The following SERPINA11 variants were observed in gnomAD, a reference collection of about 807,000 sequenced individuals.
The protein encoded by SERPINA11 is serpin A11.
SERPINA11 carries 28 observed loss-of-function variants against 29.4 expected under a neutral mutation model. The ratio of observed to expected loss-of-function variants is 0.95; its 90% CI spans 0.70 to 1.30. The LOEUF is 1.30. Among genes scored for constraint, SERPINA11 ranks in the 50% most tolerant of loss-of-function variants. The probability of loss-of-function intolerance (pLI) is 0.00; values close to 1 mark genes in which losing one functional copy is unlikely to be tolerated. For synonymous variants in SERPINA11, 253 were observed against 206.6 expected, an observed-to-expected ratio of 1.22 and a Z score of -1.92; for missense variants, 530 against 507.3, an observed-to-expected ratio of 1.04 and a Z score of -0.43.
At chr14:94,449,992 G>A (rs1192124474) in intron 1 of SERPINA11, among the ~76,000 whole-genome samples, 2 of 152,164 alleles carry the variant, frequency 1.3e-5, no homozygotes, top group South Asian at 2.1e-4. Context: ...CTGGAGTGGC[G>A]ATGTGAGGAT....
intron 1 of SERPINA11, among the ~76,000 whole-genome samples, chr14:94,450,424 G>A (rs1898566359): frequency 6.6e-6 from 1 of 152,178 alleles, no homozygotes; most frequent in Admixed American, 6.5e-5. Flanking sequence ...ATGTGAAGAT[G>A]AAGGCAGAGA....
In SERPINA11 at chr14:94,448,470, C is replaced by A. The variant is rs1190688004; in HGVS notation, c.305G>T (p.Gly102Val). The change falls in exon 2 of 5, where the codon GGC becomes GTC. Residue 102 changes from glycine (G) to valine (V), a missense_variant. Transcript: ENST00000334708. ...GGTTTCTGTGAGGTTGAATCCCAGG[C>A]CCTCCAGGATCAGAGCTGAGGTGTT... Reference protein sequence around the residue: ...QANTSALILEGLGFNLTETPE... With the variant: ...QANTSALILEVLGFNLTETPE... The A allele has an allele frequency of 1.2e-6, 2 of 1,614,130 alleles. No homozygotes were observed. The highest frequency in any genetic ancestry group is 1.7e-5 in the Admixed American group (1 of 60,022).
chr14:94,444,194 C>T lies in SERPINA11; in HGVS notation c.918-969G>A, dbSNP rs139210784. On this transcript the variant is annotated intron_variant, in intron 3 of 4. Coordinates refer to ENST00000334708, the MANE Select transcript of SERPINA11 (RefSeq NM_001080451.2). Reference sequence around the variant, plus strand: ...GGGGGTGGAATAGAGTCTAGTGGGGCAGGGGTCTGACAGAGAGCCCAAAAC... The same window carrying T: ...GGGGGTGGAATAGAGTCTAGTGGGGTAGGGGTCTGACAGAGAGCCCAAAAC... 2.0e-5 allele frequency among the ~76,000 whole-genome samples: 3 copies of T among 152,218 alleles called. No homozygotes were observed. The East Asian group carries it at 5.8e-4, about 30-fold the overall frequency.
Position 94,446,345 on chromosome 14 carries a change from T to C in SERPINA11, c.903A>G (p.Gln301=), listed in dbSNP as rs1162280070. The C allele has an allele frequency of 1.9e-6, 3 of 1,613,162 alleles. No homozygotes were observed. Among genetic ancestry groups the C allele is most frequent in the Non-Finnish European group, 2.5e-6 (3 of 1,179,916 alleles). ...LQPQTLRKWG[Q]LLLPSLLDLH... ...GTGACACTTACCTGGGCAGGAGCAA[T>C]TGGCCCCATTTTCTCAGGGTCTGTG... Residue 301 remains glutamine, a synonymous_variant, in exon 3 of 5, where the codon CAA becomes CAG. Coordinates refer to ENST00000334708, the MANE Select transcript of SERPINA11 (RefSeq NM_001080451.2).
chr14:94,451,156 C>T (rs549362734), intron 1 of SERPINA11, among the ~76,000 whole-genome samples: 1 of 152,336 alleles, frequency 6.6e-6, no homozygotes, highest in South Asian at 2.1e-4. Context: ...ATTGCAAATG[C>T]TGCGACAGTG....
At position 94,446,471 on chromosome 14, in the gene SERPINA11, C is replaced by G; in HGVS notation, c.777G>C (p.Leu259Phe). The change falls in exon 3 of 5, where the codon TTG becomes TTC. Residue 259 changes from leucine (L) to phenylalanine (F), a missense_variant. Physicochemically the swap from Leu to Phe is conservative, Grantham distance 22. Transcript: ENST00000334708. ...ATTCTATCTGGAGGACGGTGCAAGC[C>G]AAATCCTGGTCATAGAGGAATCTGT... ...EMHRFLYDQDLACTVLQIEYR... is the reference protein window; with the variant it reads ...EMHRFLYDQDFACTVLQIEYR... 6.2e-7 allele frequency: 1 copy of G among 1,614,178 alleles called. No homozygotes were observed.
At position 94,449,484 on chromosome 14, in the gene SERPINA11, TCTG is replaced by T. The variant is rs1566784782; in HGVS notation, c.-3-710_-3-708del. ...TTCTTTCTTTCTTTCTTTCTTTCTG[TCTG>T]TCTGTCTTTCTTTCTCTTTCTTTTT... On this transcript the variant is annotated intron_variant, in intron 1 of 4. Transcript: ENST00000334708. Among the ~76,000 whole-genome samples the T allele has an allele frequency of 9.4e-4, 84 of 89,600 alleles. 1 individual carries two copies. The highest frequency in any genetic ancestry group is 1.9e-3 in the African/African-American group (21 of 11,012). 58.8% of individuals were successfully genotyped at this position (89,600 alleles called of 152,430 possible).
chr14:94,451,024 T>C lies in SERPINA11; in HGVS notation c.-4+1705A>G, dbSNP rs980188040. Among the ~76,000 whole-genome samples, 4 of 152,232 alleles carry C rather than the reference T, an allele frequency of 2.6e-5. No individual in the cohort carries two copies. The East Asian group carries it at 7.7e-4, about 29-fold the overall frequency. On this transcript the variant is annotated intron_variant, in intron 1 of 4. Transcript: ENST00000334708. ...TCCAACTCTTCCACCGTTCCATTCATTGCGCAGCAGCTGTGCACTGCTGAC... is the reference window on the plus strand; with the variant it reads ...TCCAACTCTTCCACCGTTCCATTCACTGCGCAGCAGCTGTGCACTGCTGAC...
chr14:94,447,697 C>T (rs903955482), intron 2 of SERPINA11, among the ~76,000 whole-genome samples: 3 of 152,218 alleles, frequency 2.0e-5, no homozygotes, highest in Admixed American at 6.5e-5. Flanking sequence ...TCTATCCCAA[C>T]TAAATTTGTT....
In SERPINA11 at chr14:94,449,484, TC is replaced by T. The variant is rs1566784780; in HGVS notation, c.-3-708del. On this transcript the variant is annotated intron_variant, in intron 1 of 4. Coordinates refer to ENST00000334708, the MANE Select transcript of SERPINA11 (RefSeq NM_001080451.2). Reference sequence around the variant, plus strand: ...TTCTTTCTTTCTTTCTTTCTTTCTGTCTGTCTGTCTTTCTTTCTCTTTCTTT... The same window carrying T: ...TTCTTTCTTTCTTTCTTTCTTTCTGTTGTCTGTCTTTCTTTCTCTTTCTTT... 1.0e-3 allele frequency among the ~76,000 whole-genome samples: 90 copies of T among 89,678 alleles called. 7 individuals carry two copies. The highest frequency in any genetic ancestry group is 7.8e-3 in the African/African-American group (86 of 11,024). The allele number at this position is 89,678 out of a possible 152,430, so 58.8% of individuals were successfully genotyped here.
At position 94,448,299 on chromosome 14, in the gene SERPINA11, T is replaced by C. The variant is rs1239231071; in HGVS notation, c.476A>G (p.Glu159Gly). ...PRQHYLDSIK[E>G]LYGAFAFSAN... ...AGAAAAAGCAAAAGCTCCATAAAGC[T>C]CCTTGATGCTGTCCAAATAGTGCTG... Residue 159 changes from glutamate to glycine, a missense_variant, in exon 2 of 5, where the codon GAG (glutamate) becomes GGG (glycine). Transcript: ENST00000334708. The C allele has an allele frequency of 2.5e-6, 4 of 1,614,112 alleles. No individual in the cohort carries two copies. In the African/African-American group the frequency reaches 5.3e-5, roughly 22 times the overall value.
At chr14:94,448,104 G>C in intron 2 of SERPINA11, 28 bp downstream of exon 2, 1 of 1,599,094 alleles carries the variant, frequency 6.3e-7, no homozygotes, top group Middle Eastern at 2.0e-4. Flanking sequence ...AGAGGCAGTG[G>C]CAATAATTCT....
intron 1 of SERPINA11, among the ~76,000 whole-genome samples, chr14:94,450,870 C>T (rs1250931468): frequency 6.6e-6 from 1 of 151,466 alleles, no homozygotes; most frequent in Non-Finnish European, 1.5e-5. Context: ...CTTTCCCTTT[C>T]AGTCCCATCC....
Position 94,446,349 on chromosome 14 carries a change from C to T in SERPINA11, c.899G>A (p.Gly300Asp), listed in dbSNP as rs769320189. Residue 300 changes from glycine (G) to aspartate (D), a missense_variant, in exon 3 of 5, where the codon GGC becomes GAC. Coordinates refer to ENST00000334708, the MANE Select transcript of SERPINA11 (RefSeq NM_001080451.2). ...CACTTACCTGGGCAGGAGCAATTGG[C>T]CCCATTTTCTCAGGGTCTGTGGCTG... is the stretch of plus-strand genomic sequence containing the variant. ...ALQPQTLRKW[G>D]QLLLPSLLDL... is the part of the protein sequence containing the mutation. 1.9e-5 allele frequency: 30 copies of T among 1,613,104 alleles called. 1 individual carries two copies. Among genetic ancestry groups the T allele is most frequent in the South Asian group, 6.6e-5 (6 of 91,008 alleles).
chr14:94,449,564 T>TTTCTTTCC (rs760660118), intron 1 of SERPINA11, among the ~76,000 whole-genome samples: 2 of 149,960 alleles, frequency 1.3e-5, no homozygotes, highest in African/African-American at 5.0e-5. Context: ...TCTTTCTTTC[T>TTTCTTTCC]TTCCTTCCTT....
At position 94,442,785 on chromosome 14, in the gene SERPINA11, T is replaced by A. The variant is rs768005710; in HGVS notation, c.1090A>T (p.Met364Leu). The A allele has an allele frequency of 6.2e-7, 1 of 1,610,712 alleles. No individual in the cohort carries two copies. Among genetic ancestry groups the A allele is most frequent in the Admixed American group, 1.7e-5 (1 of 59,818 alleles). ...CCGGCCTCGGTCCCCTTCTCACTCA[T>A]GTCCACCATCGCCTTGTGTGACACC... Reference protein sequence around the residue: ...SKVSHKAMVDMSEKGTEAGAA... With the variant: ...SKVSHKAMVDLSEKGTEAGAA... The change falls in exon 5 of 5, where the codon ATG (methionine) becomes TTG (leucine). Residue 364 changes from methionine (M) to leucine (L), a missense_variant. By Grantham distance (15) the Met-to-Leu change is conservative. Coordinates refer to ENST00000334708, the MANE Select transcript of SERPINA11 (RefSeq NM_001080451.2).
In SERPINA11 at chr14:94,448,766, T is replaced by C. The variant is rs1294618795; in HGVS notation, c.9A>G (p.Pro3=). 3 of 1,510,550 alleles carry C rather than the reference T, an allele frequency of 2.0e-6. No individual in the cohort carries two copies. Among genetic ancestry groups the C allele is most frequent in the African/African-American group, 1.4e-5 (1 of 71,678 alleles). 93.6% of individuals were successfully genotyped at this position (1,510,550 alleles called of 1,614,324 possible). ...CTGTTCCCAGTAGCCAAAGCCAAGCTGGACCCATTCTCTGAAAACAAGAGG... is the reference window on the plus strand; with the variant it reads ...CTGTTCCCAGTAGCCAAAGCCAAGCCGGACCCATTCTCTGAAAACAAGAGG... MG[P]AWLWLLGTGI... The change falls in exon 2 of 5, where the codon CCA becomes CCG. Residue 3 remains proline, a synonymous_variant. Transcript: ENST00000334708.
At chr14:94,447,031 G>T (rs1898455935) in intron 2 of SERPINA11, among the ~76,000 whole-genome samples, 1 of 152,180 alleles carries the variant, frequency 6.6e-6, no homozygotes, top group Non-Finnish European at 1.5e-5. Flanking sequence ...AGCTCAGATT[G>T]CTTGCAAACA....
intron 4 of SERPINA11, 98 bp from the exon 5 acceptor site, chr14:94,442,907 G>C (rs780341320): frequency 1.8e-5 from 24 of 1,304,356 alleles, no homozygotes; most frequent in Non-Finnish European, 2.4e-5. Flanking sequence ...ACCTAAGGAA[G>C]GGGAGGTAGA....
Sources: allele counts gnomAD v4.1 joint callset (sites outside exome capture counted in the v4.1 genomes callset), GRCh38; gene constraint gnomAD v4.1.1; transcripts MANE v1.5; gene names NCBI Gene and HGNC (gene_info 2026-07-23, HGNC 2026-07-21).